The following AK9 variants were observed in gnomAD, a reference collection of about 807,000 sequenced individuals.
AK9 encodes the protein adenylate kinase domain containing 1.
Under a neutral mutation model 239.6 loss-of-function variants are expected in AK9, and 191 were observed. That is an observed-to-expected ratio of 0.80 (90% confidence interval 0.71 to 0.90). The LOEUF (loss-of-function observed/expected upper bound fraction) is 0.90, where lower values mean the gene tolerates loss of function less well. AK9 is among the 40% of genes least tolerant of loss of function. The pLI, the probability that AK9 is intolerant of heterozygous loss-of-function variation, is 0.00. For missense variants in AK9, 1,995 were observed against 2,214.7 expected (o/e 0.90, Z 1.99); for synonymous variants, 689 against 721.0 (o/e 0.96, Z 0.71).
At position 109,497,326 on chromosome 6, in the gene AK9, T is replaced by TCACACACA. The variant is rs141968479; in HGVS notation, c.5315+131_5315+138dup. 1,734 of 421,216 alleles carry TCACACACA rather than the reference T, an allele frequency of 4.1e-3. 9 individuals are homozygous for TCACACACA. The highest frequency in any genetic ancestry group is 0.014 in the African/African-American group (527 of 37,878). The allele number at this position is 421,216 out of a possible 1,614,324, so 26.1% of individuals were successfully genotyped here. On this transcript the variant is annotated intron_variant, in intron 38 of 40. Transcript: ENST00000424296. ...TGGGATGGCAGGGACCAGTGCTTGT[T>TCACACACA]CACACACACACACACACACACACAC...
chr6:109,633,326 GT>G lies in AK9; in HGVS notation c.934-4del. On this transcript the variant is annotated splice_region_variant and splice_polypyrimidine_tract_variant and intron_variant, in intron 10 of 40. Coordinates refer to ENST00000424296, the MANE Select transcript of AK9 (RefSeq NM_001145128.3). ...GCAAGAGTACGAAATAGCTCATCCTGTGAATTGCAAATACTACATTAAAAAT... is the reference window on the plus strand; with the variant it reads ...GCAAGAGTACGAAATAGCTCATCCTGGAATTGCAAATACTACATTAAAAAT... The G allele has an allele frequency of 6.3e-7, 1 of 1,589,018 alleles. No individual in the cohort carries two copies.
intron 12 of AK9, among the ~76,000 whole-genome samples, chr6:109,619,522 A>T (rs1346530535): frequency 6.6e-6 from 1 of 152,162 alleles, no homozygotes; most frequent in East Asian, 1.9e-4. Context: ...ACAGAAGTTA[A>T]AACATATATA....
At chr6:109,549,664 C>CTTTTTTTTTTTTTTTTTTTTTTTTTTTTT (rs1196364045) in intron 25 of AK9, 3 of 122,100 alleles carry the variant, frequency 2.5e-5, no homozygotes, top group East Asian at 2.8e-4. Flanking sequence ...TAGATATTTT[C>CTTTTTTTTTTTTTTTTTTTTTTTTTTTTT]TTTTTTTTTT....
rs556373427 is a variant in AK9, at chr6:109,581,856, T to C, written c.2115-2230A>G. 2.8e-4 allele frequency among the ~76,000 whole-genome samples: 43 copies of C among 152,328 alleles called. No individual in the cohort carries two copies. In the East Asian group the frequency reaches 8.1e-3, roughly 29 times the overall value. On this transcript the variant is annotated intron_variant, in intron 19 of 40. Transcript: ENST00000424296. ...TTCAGAGTTAGAGAGGAGAAGTCAA[T>C]GCCTGGCTTCAAAGCTTTAAGGGAC...
intron 12 of AK9, among the ~76,000 whole-genome samples, chr6:109,623,525 G>T (rs1383681603): frequency 6.6e-6 from 1 of 152,116 alleles, no homozygotes; most frequent in Non-Finnish European, 1.5e-5. Flanking sequence ...TGTCAGATGA[G>T]TGCAGCCCCA....
chr6:109,533,840 TA>T (rs1450065622), intron 27 of AK9, among the ~76,000 whole-genome samples: 1 of 152,186 alleles, frequency 6.6e-6, no homozygotes, highest in African/African-American at 2.4e-5. Context: ...CAATTACTAT[TA>T]ACTGAAAGTT....
intron 1 of AK9, among the ~76,000 whole-genome samples, chr6:109,680,202 CT>C (rs1338881579): frequency 6.6e-6 from 1 of 152,070 alleles, no homozygotes; most frequent in Non-Finnish European, 1.5e-5. Context: ...AGCTAAGAAC[CT>C]TGATAAAAGG....
rs564003521 is a variant in AK9 at position 109,674,411 on chromosome 6, G to A, written c.118-150C>T. 4.2e-4 allele frequency: 220 copies of A among 517,796 alleles called. 2 individuals carry two copies. The South Asian group carries it at 4.3e-3, about 10-fold the overall frequency. The allele number at this position is 517,796 out of a possible 1,614,324, so 32.1% of individuals were successfully genotyped here. A position where few individuals can be genotyped will look rare whatever the true frequency, so the allele number is the denominator to read the frequency against. ...AAAATGAAGAATAGACCCTAGATAC[G>A]TATAGTTTAGTTTTTCTTTACTAAT... On this transcript the variant is annotated intron_variant, in intron 2 of 40. Coordinates refer to ENST00000424296, the MANE Select transcript of AK9 (RefSeq NM_001145128.3).
At chr6:109,550,054 G>T (rs1355175974) in intron 25 of AK9, 36 bp downstream of exon 25, 1 of 1,594,630 alleles carries the variant, frequency 6.3e-7, no homozygotes, top group Non-Finnish European at 8.6e-7. Context: ...AAAAAATCCT[G>T]TGGGAGCAAT....
At chr6:109,548,647 C>T (rs11968891) in intron 25 of AK9, among the ~76,000 whole-genome samples, 30,385 of 152,096 alleles carry the variant, frequency 0.2, 3,663 homozygotes, top group Middle Eastern at 0.28. Context: ...AACACCTAGA[C>T]ATCTAGGTTG....
At chr6:109,519,024 C>T (rs1229679612) in intron 29 of AK9, among the ~76,000 whole-genome samples, 1 of 152,088 alleles carries the variant, frequency 6.6e-6, no homozygotes, top group Non-Finnish European at 1.5e-5. Context: ...CATGAGTACC[C>T]AGTGTTTAGC....
rs530577401 is a variant in AK9 at position 109,645,615 on chromosome 6, C to T, written c.760-927G>A. Among the ~76,000 whole-genome samples, 172 of 152,222 alleles carry T rather than the reference C, an allele frequency of 1.1e-3. 1 individual carries two copies. The highest frequency in any genetic ancestry group is 3.9e-3 in the African/African-American group (162 of 41,546). On this transcript the variant is annotated intron_variant, in intron 8 of 40. Coordinates refer to ENST00000424296, the MANE Select transcript of AK9 (RefSeq NM_001145128.3). Reference sequence around the variant, plus strand: ...GAGGCCTGCCTGCCTCTGTAGACTCCACCTCTGGGGGCAGGGCATAGCTGA... The same window carrying T: ...GAGGCCTGCCTGCCTCTGTAGACTCTACCTCTGGGGGCAGGGCATAGCTGA...
At chr6:109,573,324 C>T in intron 21 of AK9, 118 bp downstream of exon 21, 2 of 1,116,876 alleles carry the variant, frequency 1.8e-6, no homozygotes, top group Non-Finnish European at 2.4e-6. Flanking sequence ...TCTCTGGGGG[C>T]TCATCTCTCC....
At chr6:109,674,576 T>C (rs1359270747) in intron 2 of AK9, among the ~76,000 whole-genome samples, 1 of 152,204 alleles carries the variant, frequency 6.6e-6, no homozygotes, top group Non-Finnish European at 1.5e-5. Context: ...TTACAAATCA[T>C]TGTGATTATA....
chr6:109,532,109 A>T (rs928163417), intron 28 of AK9, among the ~76,000 whole-genome samples: 7 of 152,218 alleles, frequency 4.6e-5, no homozygotes, highest in African/African-American at 1.7e-4. Context: ...AATGTATTAC[A>T]TAATTTAAGT....
chr6:109,558,353 G>C (rs1481029124), intron 24 of AK9, among the ~76,000 whole-genome samples: 1 of 152,104 alleles, frequency 6.6e-6, no homozygotes, highest in Middle Eastern at 3.2e-3. Context: ...TCTTCCAGAA[G>C]TTTTGTAATG....
intron 12 of AK9, among the ~76,000 whole-genome samples, chr6:109,625,064 C>T (rs1403193423): frequency 1.3e-5 from 2 of 151,880 alleles, no homozygotes; most frequent in Non-Finnish European, 2.9e-5. Flanking sequence ...TTCTAATATC[C>T]TGATCTAGTT....
intron 38 of AK9, 111 bp downstream of exon 38, chr6:109,497,354 A>C (rs1371127897): frequency 1.5e-5 from 9 of 604,578 alleles, no homozygotes; most frequent in East Asian, 3.8e-5. Context: ...ACACACACAC[A>C]CACACACACT....
At chr6:109,662,429 C>T (rs955383397) in intron 6 of AK9, 122 bp downstream of exon 6, 10 of 804,796 alleles carry the variant, frequency 1.2e-5, no homozygotes, top group Non-Finnish European at 1.7e-5. Context: ...GACTCAGTTC[C>T]TGTGATTGAT....
Sources: allele counts gnomAD v4.1 joint callset (sites outside exome capture counted in the v4.1 genomes callset), GRCh38; gene constraint gnomAD v4.1.1; transcripts MANE v1.5; gene names NCBI Gene and HGNC (gene_info 2026-07-23, HGNC 2026-07-21).